Variants in GPHN observed in about 807,000 individuals in gnomAD.
GPHN encodes gephyrin.
A neutral mutation model predicts 95.5 loss-of-function variants in GPHN; 17 were observed. That is an observed-to-expected ratio of 0.18 (90% CI 0.12 to 0.27). The LOEUF (loss-of-function observed/expected upper bound fraction) is 0.27, where lower values mean the gene tolerates loss of function less well. Among genes scored for constraint, GPHN ranks in the 10% least tolerant of loss-of-function variants. GPHN has a pLI of 1.00. For synonymous variants in GPHN, 320 were observed against 322.5 expected (o/e 0.99, Z 0.08); for missense variants, 660 against 978.1 (o/e 0.67, Z 4.34).
the GPHN span, among the ~76,000 whole-genome samples, chr14:67,713,134 A>G: frequency 1.3e-5 from 2 of 152,150 alleles, no homozygotes; most frequent in Non-Finnish European, 2.9e-5. Flanking sequence ...AGCAGAAATT[A>G]AAACCAGCTT....
At chr14:66,744,359 A>G (rs1419697486) in intron 2 of GPHN, among the ~76,000 whole-genome samples, 1 of 152,198 alleles carries the variant, frequency 6.6e-6, no homozygotes, top group Non-Finnish European at 1.5e-5. Context: ...TTAAGTGACT[A>G]GTGGTTGGAA....
the GPHN span, chr14:67,200,025 C>G: frequency 1.1e-6 from 1 of 936,764 alleles, no homozygotes; most frequent in East Asian, 2.6e-5. Flanking sequence ...TAGGACATCC[C>G]CATTCTGGAC....
intron 2 of GPHN, among the ~76,000 whole-genome samples, chr14:66,685,578 A>G (rs1266651574): frequency 2.0e-5 from 3 of 152,026 alleles, no homozygotes; most frequent in Non-Finnish European, 4.4e-5. Flanking sequence ...CATATCCTTC[A>G]CCCACTTTTT....
chr14:67,695,779 G>T, the GPHN span: 2 of 1,393,400 alleles, frequency 1.4e-6, no homozygotes, highest in Admixed American at 1.8e-5. Context: ...TTCTAGACAC[G>T]CCCCAATTCA....
chr14:66,947,677 G>A (rs2067845759), intron 8 of GPHN, among the ~76,000 whole-genome samples: 1 of 152,152 alleles, frequency 6.6e-6, no homozygotes, highest in South Asian at 2.1e-4. Context: ...TTGTTCCATG[G>A]CCAGGCACAG....
At chr14:67,633,203 T>C in the GPHN span, among the ~76,000 whole-genome samples, 1 of 152,214 alleles carries the variant, frequency 6.6e-6, no homozygotes. Flanking sequence ...TTTTTGTTTT[T>C]AAGTTTGAGT....
intron 1 of GPHN, among the ~76,000 whole-genome samples, chr14:66,520,590 TTTC>T (rs1206799154): frequency 6.6e-6 from 1 of 152,166 alleles, no homozygotes; most frequent in Non-Finnish European, 1.5e-5. Context: ...GCAGGCTGAC[TTTC>T]TTCTTATAGT....
chr14:66,606,300 A>G (rs2062531697), intron 1 of GPHN, among the ~76,000 whole-genome samples: 1 of 151,992 alleles, frequency 6.6e-6, no homozygotes, highest in Non-Finnish European at 1.5e-5. Context: ...TCAGATGGTT[A>G]TGGGTGTATG....
At chr14:67,320,164 G>T in the GPHN span, 2 of 1,419,852 alleles carry the variant, frequency 1.4e-6, no homozygotes, top group South Asian at 3.0e-5. Context: ...GAAGATCTAT[G>T]AGTATTTATA....
chr14:67,013,688 G>A (rs1336630381), intron 9 of GPHN, among the ~76,000 whole-genome samples: 1 of 151,516 alleles, frequency 6.6e-6, no homozygotes, highest in Non-Finnish European at 1.5e-5. Context: ...TAAGCATTTA[G>A]AAAAATAAAG....
chr14:67,127,963 C>T (rs1303409941), intron 17 of GPHN, among the ~76,000 whole-genome samples: 4 of 152,126 alleles, frequency 2.6e-5, no homozygotes, highest in Admixed American at 6.6e-5. Flanking sequence ...AGCTGTTAGG[C>T]CTCTTTACCA....
At chr14:66,705,215 CAGTGGA>C (rs990681286) in intron 2 of GPHN, among the ~76,000 whole-genome samples, 1 of 152,226 alleles carries the variant, frequency 6.6e-6, no homozygotes, top group Admixed American at 6.5e-5. Flanking sequence ...GATGAATTCA[CAGTGGA>C]ATTCTACCAG....
chr14:67,380,812 A>G, the GPHN span: 1 of 1,018,642 alleles, frequency 9.8e-7, no homozygotes, highest in Non-Finnish European at 1.4e-6. Context: ...CATGCATCAA[A>G]AAAGCTATTA....
At chr14:66,641,520 A>G (rs1017520325) in intron 1 of GPHN, among the ~76,000 whole-genome samples, 2 of 152,152 alleles carry the variant, frequency 1.3e-5, no homozygotes, top group African/African-American at 4.8e-5. Context: ...ATCTGCATGC[A>G]CATAGTGAGA....
At chr14:67,578,720 G>C in the GPHN span, 1 of 843,816 alleles carries the variant, frequency 1.2e-6, no homozygotes, top group Non-Finnish European at 2.0e-6. This position sits in a 1 kb window ranked among gnomAD's most constrained non-coding sequence, Gnocchi z 5.0. Flanking sequence ...GGGCAGACCA[G>C]ATCACTCCTG....
In GPHN at chr14:66,728,619, G is replaced by A. The variant is rs144938260; in HGVS notation, c.143+47434G>A. On this transcript the variant is annotated intron_variant, in intron 2 of 22. Coordinates refer to ENST00000478722, the MANE Select transcript of GPHN (RefSeq NM_020806.5). ...CTGCCTTGCTGGCTTTCAGACTTGC[G>A]TGGGGGCTTTAGCCCCTTTGTTTTG... is the stretch of plus-strand genomic sequence containing the variant. Among the ~76,000 whole-genome samples the A allele has an allele frequency of 3.3e-3, 502 of 152,318 alleles. 1 individual carries two copies. Among genetic ancestry groups the A allele is most frequent in the African/African-American group, 0.012 (481 of 41,560 alleles).
the GPHN span, among the ~76,000 whole-genome samples, chr14:67,262,618 C>G: frequency 1.8e-3 from 280 of 152,244 alleles, no homozygotes; most frequent in African/African-American, 6.5e-3. Context: ...ACATTTTACC[C>G]TAGTCAACTC....
chr14:67,581,384 G>A, the GPHN span, among the ~76,000 whole-genome samples: 27 of 152,220 alleles, frequency 1.8e-4, no homozygotes, highest in East Asian at 4.2e-3. Context: ...AATTAGCTGG[G>A]CATGGTGGCA....
the GPHN span, chr14:67,302,619 T>C: frequency 7.7e-7 from 1 of 1,300,338 alleles, no homozygotes; most frequent in South Asian, 2.4e-5. Context: ...TAGAAAGCTC[T>C]TATTAGACTT....
Sources: gnomAD v4.1 joint callset for allele counts (sites outside exome capture counted in the v4.1 genomes callset) on GRCh38, gnomAD v4.1.1 for gene constraint, Gnocchi (gnomAD v3.1) non-coding constraint, MANE v1.5 for transcripts, NCBI Gene and HGNC (gene_info 2026-07-23, HGNC 2026-07-21) for gene names.